Variants in DPAGT1 observed in about 807,000 individuals in gnomAD.
DPAGT1 encodes the protein dolichyl-phosphate N-acetylglucosaminephosphotransferase 1, also known as UDP-N-acetylglucosamine--dolichyl-phosphate N-acetylglucosaminephosphotransferase.
DPAGT1 carries 25 observed loss-of-function variants against 39.3 expected under a neutral mutation model. The ratio of observed to expected loss-of-function variants is 0.64; its 90% CI spans 0.46 to 0.89. The LOEUF (loss-of-function observed/expected upper bound fraction) is 0.89, where lower values mean the gene tolerates loss of function less well. DPAGT1 is among the 40% of genes least tolerant of loss of function. DPAGT1 has a pLI of 0.00. For missense variants in DPAGT1, 381 were observed against 500.6 expected (o/e 0.76, Z 2.28); for synonymous variants, 193 against 201.4 (o/e 0.96, Z 0.36).
downstream of DPAGT1, chr11:119,095,035 C>T (rs773214518): frequency 2.8e-5 from 45 of 1,613,486 alleles, no homozygotes; most frequent in Non-Finnish European, 3.6e-5. Flanking sequence ...TGGCGCTGGT[C>T]TTCTTGGGCA....
chr11:119,096,606 T>C lies in DPAGT1; in HGVS notation c.*392A>G, dbSNP rs748903893. On this transcript the variant is annotated 3_prime_UTR_variant, in exon 9 of 9. Coordinates refer to ENST00000354202, the MANE Select transcript of DPAGT1 (RefSeq NM_001382.4). Reference sequence around the variant, plus strand: ...ACACTTAATTTACAATCAAATGACATGTCACCGTGGAGCCTGTGTTCCTAG... The same window carrying C: ...ACACTTAATTTACAATCAAATGACACGTCACCGTGGAGCCTGTGTTCCTAG... 3 of 344,852 alleles carry C rather than the reference T, an allele frequency of 8.7e-6. No individual in the cohort carries two copies. The highest frequency in any genetic ancestry group is 1.6e-5 in the Non-Finnish European group (3 of 183,680). 21.4% of individuals were successfully genotyped at this position (344,852 alleles called of 1,614,324 possible). A position where few individuals can be genotyped will look rare whatever the true frequency, so the allele number is the denominator to read the frequency against.
At position 119,098,571 on chromosome 11, in the gene DPAGT1, T is replaced by A; in HGVS notation, c.644-84A>T. The A allele has an allele frequency of 1.0e-5, 14 of 1,380,980 alleles. No homozygotes were observed. In the South Asian group the frequency reaches 1.7e-4, roughly 16 times the overall value. 85.5% of individuals were successfully genotyped at this position (1,380,980 alleles called of 1,614,324 possible). On this transcript the variant is annotated intron_variant, in intron 4 of 8. Coordinates refer to ENST00000354202, the MANE Select transcript of DPAGT1 (RefSeq NM_001382.4). ...GTCCTATTTTTGTCTAAGTTCTGTTTACAGCTGTTATCATCCACCTCACCC... is the reference window on the plus strand; with the variant it reads ...GTCCTATTTTTGTCTAAGTTCTGTTAACAGCTGTTATCATCCACCTCACCC...
intron 4 of DPAGT1, among the ~76,000 whole-genome samples, chr11:119,099,780 CAAAAAAAAAAAAAAA>C (rs57486910): frequency 6.6e-5 from 5 of 75,798 alleles, no homozygotes; most frequent in South Asian, 8.8e-4. Flanking sequence ...GACCCTGTCT[CAAAAAAAAAAAAAAA>C]AAAAAAAAAA....
rs1946427343 is a variant in DPAGT1, at chr11:119,097,962, G to A, written c.810C>T (p.His270=). Residue 270 remains histidine (H), a synonymous_variant, in exon 6 of 9, where the codon CAC becomes CAT. Coordinates refer to ENST00000354202, the MANE Select transcript of DPAGT1 (RefSeq NM_001382.4). The surrounding 1 kb of genome is among the most constrained non-coding windows in gnomAD (Gnocchi z 4.6). The stretch of plus-strand genomic sequence containing the variant: ...AGAATAGTAGCATGGTCTTGCTGAA[G>A]TGTCCCAAGATGCCCACCACGGCAA... ...MTFAVVGILG[H]FSKTMLLFFM... 6.2e-7 allele frequency: 1 copy of A among 1,614,248 alleles called. No individual in the cohort carries two copies. The highest frequency in any genetic ancestry group is 8.5e-7 in the Non-Finnish European group (1 of 1,180,046).
At chr11:119,094,879 T>C (rs1946363843), downstream of DPAGT1, 21 of 1,370,174 alleles carry the variant, frequency 1.5e-5, no homozygotes, top group Non-Finnish European at 2.0e-5. Flanking sequence ...GGCTCAGCTC[T>C]TTCCATGAGG....
rs1273951639 is a variant in DPAGT1, at chr11:119,097,003, C to T, written c.1222G>A (p.Val408Ile). The T allele has an allele frequency of 1.2e-6, 2 of 1,614,098 alleles. No homozygotes were observed. Among genetic ancestry groups the T allele is most frequent in the South Asian group, 1.1e-5 (1 of 91,078 alleles). Residue 408 changes from valine to isoleucine, a missense_variant, in exon 9 of 9, where the codon GTC (valine) becomes ATC (isoleucine). Val to Ile is a conservative substitution (Grantham distance 29, BLOSUM62 3). Coordinates refer to ENST00000354202, the MANE Select transcript of DPAGT1 (RefSeq NM_001382.4). This position sits in a 1 kb window ranked among gnomAD's most constrained non-coding sequence, Gnocchi z 4.6. ...AAGGACAATGATCAAGGGACTCAGA[C>T]ATCATAGAAGAGTCGAACGAGCTGA... The part of the protein sequence containing the change: ...RYQLVRLFYD[V>I]
chr11:119,094,499 CG>C (rs1565760391), downstream of DPAGT1: 1 of 153,112 alleles, frequency 6.5e-6, no homozygotes, highest in Non-Finnish European at 1.5e-5. Context: ...CTGCCCACCT[CG>C]GCCCTGCGTC....
At position 119,101,239 on chromosome 11, in the gene DPAGT1, G is replaced by C. The variant is rs1405472175; in HGVS notation, c.162-101C>G. ...AACCCAAAGTGGTCTTCTCATTCCC[G>C]GTTTTTTATTCTGGTAAGTGGTGAG... On this transcript the variant is annotated intron_variant, in intron 1 of 8. Transcript: ENST00000354202. The C allele has an allele frequency of 1.1e-5, 17 of 1,560,424 alleles. No homozygotes were observed. The Admixed American group carries it at 3.0e-4, about 28-fold the overall frequency.
At chr11:119,095,331 C>G, downstream of DPAGT1, 1 of 1,603,042 alleles carries the variant, frequency 6.2e-7, no homozygotes, top group Non-Finnish European at 8.5e-7. Flanking sequence ...TGGAGGCCGG[C>G]GCGCGACGAG....
rs1946421308 is a variant in DPAGT1, at chr11:119,097,584, C to T, written c.918-33G>A. 1.9e-6 allele frequency: 3 copies of T among 1,610,892 alleles called. No individual in the cohort carries two copies. The African/African-American group carries it at 4.0e-5, about 22-fold the overall frequency. On this transcript the variant is annotated intron_variant, in intron 6 of 8. Coordinates refer to ENST00000354202, the MANE Select transcript of DPAGT1 (RefSeq NM_001382.4). The surrounding 1 kb of genome is among the most constrained non-coding windows in gnomAD (Gnocchi z 4.6). ...GGGAAGATAGCTTCATGTGACTGGG[C>T]CACTATTTGAACCCTCCTCCCTGTG...
intron 5 of DPAGT1, 168 bp from the exon 6 acceptor site, chr11:119,098,211 C>T (rs1946433803): frequency 6.3e-6 from 7 of 1,112,176 alleles, no homozygotes. Context: ...TCATCTATTC[C>T]TGGGGCCTCC....
chr11:119,094,923 G>A (rs774730815), downstream of DPAGT1: 3 of 1,559,656 alleles, frequency 1.9e-6, no homozygotes, highest in Non-Finnish European at 8.6e-7. Flanking sequence ...CTTTGTGGTG[G>A]CATGGGGAGG....
At chr11:119,094,955 G>GCC, downstream of DPAGT1, 1 of 1,590,552 alleles carries the variant, frequency 6.3e-7, no homozygotes, top group Non-Finnish European at 8.5e-7. Flanking sequence ...GCCGCGGCGC[G>GCC]GGCCCTCTTA....
At chr11:119,095,465 T>A, downstream of DPAGT1, 7 of 1,440,330 alleles carry the variant, frequency 4.9e-6, no homozygotes, top group Non-Finnish European at 6.4e-6. Flanking sequence ...GTGTAACTGC[T>A]GTCGCGCGCG....
downstream of DPAGT1, chr11:119,095,574 C>G: frequency 1.6e-6 from 1 of 640,182 alleles, no homozygotes; most frequent in South Asian, 2.7e-5. Flanking sequence ...TGCGGTTAAC[C>G]CTTGGGTGTC....
intron 4 of DPAGT1, among the ~76,000 whole-genome samples, chr11:119,099,766 G>A (rs116658831): frequency 0.083 from 11,907 of 143,490 alleles, 670 homozygotes; most frequent in South Asian, 0.29. Context: ...GCATGACAGA[G>A]GGAGACCCTG....
At position 119,097,679 on chromosome 11, in the gene DPAGT1, C is replaced by G; in HGVS notation, c.918-128G>C. 2.1e-6 allele frequency: 3 copies of G among 1,418,546 alleles called. No homozygotes were observed. The highest frequency in any genetic ancestry group is 3.0e-6 in the Non-Finnish European group (3 of 1,006,982). 87.9% of individuals were successfully genotyped at this position (1,418,546 alleles called of 1,614,324 possible). On this transcript the variant is annotated intron_variant, in intron 6 of 8. Transcript: ENST00000354202. This position sits in a 1 kb window ranked among gnomAD's most constrained non-coding sequence, Gnocchi z 4.6. ...TTCTGGCTCTGCTGCTTACTGTTAT[C>G]AGAACCACTGTAGCAGATTATGCAA... is the stretch of plus-strand genomic sequence containing the variant.
At chr11:119,095,467 T>TCGCG (rs546223465), downstream of DPAGT1, 15 of 1,436,560 alleles carry the variant, frequency 1.0e-5, no homozygotes, top group Admixed American at 2.8e-5. Flanking sequence ...GTAACTGCTG[T>TCGCG]CGCGCGCGCG....
At chr11:119,100,566 T>C (rs1565765433) in intron 3 of DPAGT1, 64 bp downstream of exon 3, 1 of 1,604,788 alleles carries the variant, frequency 6.2e-7, no homozygotes, top group Non-Finnish European at 8.5e-7. Flanking sequence ...GAGGAGAATG[T>C]GGAGCACCAG....
Sources: gnomAD v4.1 joint callset for allele counts (sites outside exome capture counted in the v4.1 genomes callset) on GRCh38, gnomAD v4.1.1 for gene constraint, Gnocchi (gnomAD v3.1) non-coding constraint, MANE v1.5 for transcripts, NCBI Gene and HGNC (gene_info 2026-07-23, HGNC 2026-07-21) for gene names.